LINGO2: variants seen among roughly 807,000 people sequenced by gnomAD.
LINGO2 encodes the protein leucine-rich repeat and immunoglobulin-like domain-containing nogo receptor-interacting protein 2.
A neutral mutation model predicts 30.6 loss-of-function variants in LINGO2; 14 were observed. That is an observed-to-expected ratio of 0.46 (90% CI 0.30 to 0.72). The LOEUF (loss-of-function observed/expected upper bound fraction) is 0.72. Among genes scored for constraint, LINGO2 ranks in the 30% least tolerant of loss-of-function variants. LINGO2 has a pLI of 0.07. For synonymous variants in LINGO2, 317 were observed against 288.5 expected (o/e 1.10, Z -1.00); for missense variants, 729 against 751.7 (o/e 0.97, Z 0.35).
At chr9:28,790,325 C>CTTTCTTTTTTTTTTTTTTTTTTTTTT in the LINGO2 span, among the ~76,000 whole-genome samples, 12 of 106,270 alleles carry the variant, frequency 1.1e-4, no homozygotes, top group African/African-American at 4.7e-4. Context: ...TCTTTTCTTT[C>CTTTCTTTTTTTTTTTTTTTTTTTTTT]TTTTTTTTTT....
At chr9:28,990,313 C>A in the LINGO2 span, among the ~76,000 whole-genome samples, 1 of 152,208 alleles carries the variant, frequency 6.6e-6, no homozygotes. Flanking sequence ...GGGGTGCCCA[C>A]CATTGCCCAG....
chr9:28,295,461 A>G (rs1227745450), intron 3 of LINGO2, 95 bp from the exon 6 acceptor site: 1 of 152,646 alleles, frequency 6.6e-6, no homozygotes, highest in Non-Finnish European at 1.5e-5. Flanking sequence ...TAAGGGAATC[A>G]TAAAGGAGTG....
At chr9:28,488,444 C>T (rs1826259455) in intron 1 of LINGO2, among the ~76,000 whole-genome samples, 1 of 152,046 alleles carries the variant, frequency 6.6e-6, no homozygotes, top group African/African-American at 2.4e-5. Flanking sequence ...AGTGAGTTAT[C>T]CTAAGACCAT....
chr9:28,273,965 T>C (rs533020901), intron 4 of LINGO2, among the ~76,000 whole-genome samples: 1 of 152,060 alleles, frequency 6.6e-6, no homozygotes, highest in Non-Finnish European at 1.5e-5. Flanking sequence ...TTCCTCCAGA[T>C]AGAAAGCCAC....
At chr9:29,207,426 T>C in the LINGO2 span, among the ~76,000 whole-genome samples, 1 of 152,058 alleles carries the variant, frequency 6.6e-6, no homozygotes, top group African/African-American at 2.4e-5. Flanking sequence ...TGAGATTGTC[T>C]GAAGACACAA....
intron 1 of LINGO2, among the ~76,000 whole-genome samples, chr9:28,484,187 A>G (rs1331896): frequency 0.66 from 100,451 of 151,778 alleles, 33,684 homozygotes; most frequent in South Asian, 0.75. Flanking sequence ...TAATTACACA[A>G]TCTTCAAGTA....
chr9:28,058,971 G>C (rs1232271589), intron 4 of LINGO2, among the ~76,000 whole-genome samples: 1 of 152,020 alleles, frequency 6.6e-6, no homozygotes, highest in Non-Finnish European at 1.5e-5. Context: ...TTTATTTCCT[G>C]TTATGATGGT....
At chr9:28,714,229 A>C in the LINGO2 span, among the ~76,000 whole-genome samples, 1 of 150,072 alleles carries the variant, frequency 6.7e-6, no homozygotes. Flanking sequence ...ATACATATAT[A>C]TATATCTCTC....
intron 4 of LINGO2, among the ~76,000 whole-genome samples, chr9:28,187,277 G>C (rs1819574698): frequency 6.6e-6 from 1 of 152,038 alleles, no homozygotes; most frequent in South Asian, 2.1e-4. Flanking sequence ...GATCACTTGA[G>C]GTCAGGAGTT....
intron 4 of LINGO2, among the ~76,000 whole-genome samples, chr9:28,182,336 T>C (rs1440865265): frequency 3.9e-5 from 6 of 152,072 alleles, no homozygotes; most frequent in African/African-American, 7.2e-5. Flanking sequence ...AACACTTAAA[T>C]GTAAAACCCA....
intron 4 of LINGO2, among the ~76,000 whole-genome samples, chr9:28,124,904 A>G (rs1827195767): frequency 6.6e-6 from 1 of 152,244 alleles, no homozygotes; most frequent in Non-Finnish European, 1.5e-5. Flanking sequence ...ATAAGGGAAG[A>G]CTGTTTAGAA....
At chr9:28,050,521 C>A (rs574635623) in intron 4 of LINGO2, among the ~76,000 whole-genome samples, 3 of 150,854 alleles carry the variant, frequency 2.0e-5, no homozygotes, top group African/African-American at 7.4e-5. Flanking sequence ...ACAAGAGTAA[C>A]GGCAATCAAA....
At chr9:28,780,582 G>C in the LINGO2 span, among the ~76,000 whole-genome samples, 2 of 152,110 alleles carry the variant, frequency 1.3e-5, no homozygotes, top group African/African-American at 4.8e-5. Context: ...TTCTTCTCCA[G>C]ATCCATCACA....
the LINGO2 span, among the ~76,000 whole-genome samples, chr9:29,049,708 C>A: frequency 2.6e-5 from 4 of 152,124 alleles, no homozygotes; most frequent in African/African-American, 9.7e-5. Flanking sequence ...ACAAACATTA[C>A]ATGTTCTCAC....
the LINGO2 span, among the ~76,000 whole-genome samples, chr9:28,815,776 T>A: frequency 1.3e-5 from 2 of 152,340 alleles, no homozygotes; most frequent in Non-Finnish European, 2.9e-5. Flanking sequence ...TCTAAGTGAT[T>A]AATCGCATGT....
At chr9:28,600,907 A>G (rs1318836833) in intron 1 of LINGO2, among the ~76,000 whole-genome samples, 2 of 152,184 alleles carry the variant, frequency 1.3e-5, no homozygotes, top group Non-Finnish European at 2.9e-5. Context: ...CACCTTCCAC[A>G]TGGTAGATCC....
the LINGO2 span, among the ~76,000 whole-genome samples, chr9:28,683,785 T>C: frequency 6.6e-6 from 1 of 152,216 alleles, no homozygotes; most frequent in Admixed American, 6.5e-5. Context: ...GGCAAGCATG[T>C]CTAGCTCTTC....
chr9:28,457,781 C>A (rs1005886179), intron 2 of LINGO2, among the ~76,000 whole-genome samples: 16 of 152,022 alleles, frequency 1.1e-4, no homozygotes, highest in African/African-American at 3.6e-4. Context: ...TACCTCCAAC[C>A]AGAGAATGAG....
At chr9:28,363,778 G>A (rs1316570455) in intron 3 of LINGO2, among the ~76,000 whole-genome samples, 1 of 151,930 alleles carries the variant, frequency 6.6e-6, no homozygotes, top group African/African-American at 2.4e-5. Flanking sequence ...TGTTCCATGT[G>A]CATTAGATGT....
Sources: gnomAD v4.1 joint callset for allele counts (sites outside exome capture counted in the v4.1 genomes callset) on GRCh38, gnomAD v4.1.1 for gene constraint, MANE v1.5 for transcripts, NCBI Gene and HGNC (gene_info 2026-07-23, HGNC 2026-07-21) for gene names.